The following CCAR1 variants were observed in gnomAD, a reference collection of about 807,000 sequenced individuals.
CCAR1 encodes the protein cell division cycle and apoptosis regulator protein 1.
In CCAR1, 78 loss-of-function variants were observed where a neutral mutation model predicts 163.8. The observed-to-expected ratio is 0.48, with a 90% CI of 0.40 to 0.57. The LOEUF (loss-of-function observed/expected upper bound fraction) is 0.57. CCAR1 is among the 20% of genes least tolerant of loss of function. The pLI is 0.00. For synonymous variants in CCAR1, 443 were observed against 460.7 expected (o/e 0.96, Z 0.49); for missense variants, 1,019 against 1,365.2 (o/e 0.75, Z 4.00).
In CCAR1 at chr10:68,791,502, T is replaced by A. The variant is rs2133445589; in HGVS notation, c.*236T>A. 2 of 285,774 alleles carry A rather than the reference T, an allele frequency of 7.0e-6. No individual in the cohort carries two copies. The highest frequency in any genetic ancestry group is 1.3e-4 in the East Asian group (2 of 15,854). The allele number at this position is 285,774 out of a possible 1,614,324, so 17.7% of individuals were successfully genotyped here. ...AAATAATTTTGCATTGCAAAGTGTT[T>A]TAGGATGAACTTTGTTATAGTTTTA... On this transcript the variant is annotated 3_prime_UTR_variant, in exon 25 of 25. Transcript: ENST00000265872.
intron 19 of CCAR1, among the ~76,000 whole-genome samples, chr10:68,782,492 T>C (rs949875949): frequency 1.4e-4 from 21 of 152,036 alleles, no homozygotes; most frequent in African/African-American, 4.8e-4. Context: ...AAAATGGCTA[T>C]GCTAAGTAAA....
intron 11 of CCAR1, 143 bp from the exon 12 acceptor site, chr10:68,754,571 T>C: frequency 1.8e-6 from 1 of 566,276 alleles, no homozygotes; most frequent in Non-Finnish European, 3.1e-6. Context: ...GGCTGAGGTA[T>C]CTAATACTGT....
chr10:68,790,218 A>G (rs1218254462), intron 24 of CCAR1, among the ~76,000 whole-genome samples: 1 of 152,074 alleles, frequency 6.6e-6, no homozygotes, highest in African/African-American at 2.4e-5. Flanking sequence ...TTAGCCAGAC[A>G]TGGTGGCGGG....
chr10:68,787,443 C>T (rs1449200781), intron 21 of CCAR1, among the ~76,000 whole-genome samples: 1 of 152,132 alleles, frequency 6.6e-6, no homozygotes, highest in African/African-American at 2.4e-5. Flanking sequence ...TAAATCATCC[C>T]TGTGCATAAA....
intron 10 of CCAR1, among the ~76,000 whole-genome samples, chr10:68,752,350 T>C (rs1303250215): frequency 6.6e-6 from 1 of 152,214 alleles, no homozygotes; most frequent in South Asian, 2.1e-4. Context: ...TATACTAATA[T>C]GATTATAAGA....
chr10:68,738,185 C>T (rs1422130397), intron 4 of CCAR1, among the ~76,000 whole-genome samples: 15 of 152,272 alleles, frequency 9.9e-5, no homozygotes, highest in Admixed American at 3.3e-4. Flanking sequence ...GAAGCCGAGG[C>T]GGGCGGATCA....
At chr10:68,773,168 C>A in intron 19 of CCAR1, 69 bp downstream of exon 19, 1 of 778,844 alleles carries the variant, frequency 1.3e-6, no homozygotes, top group Non-Finnish European at 2.1e-6. Context: ...ACATTGTATT[C>A]ACTGAAATCT....
chr10:68,755,205 T>C (rs1237502792), intron 12 of CCAR1, 165 bp from the exon 13 acceptor site: 1 of 771,490 alleles, frequency 1.3e-6, no homozygotes, highest in South Asian at 1.4e-5. Flanking sequence ...ATTCCATTGC[T>C]GAAATGCAGT....
intron 17 of CCAR1, among the ~76,000 whole-genome samples, chr10:68,769,118 A>C (rs2056569628): frequency 6.6e-6 from 1 of 152,254 alleles, no homozygotes; most frequent in South Asian, 2.1e-4. Flanking sequence ...CTGGGATTAC[A>C]GGCGTGTGCC....
intron 16 of CCAR1, among the ~76,000 whole-genome samples, chr10:68,762,286 G>A (rs918692687): frequency 5.3e-5 from 8 of 151,426 alleles, no homozygotes; most frequent in Admixed American, 1.3e-4. Flanking sequence ...CCCAGATTGC[G>A]CCACTGCACT....
In CCAR1 at chr10:68,756,627, A is replaced by G. The variant is rs74143219; in HGVS notation, c.1836+144A>G. 4.2e-4 allele frequency: 313 copies of G among 736,822 alleles called. 1 individual carries two copies. The African/African-American group carries it at 4.7e-3, about 11-fold the overall frequency. The allele number at this position is 736,822 out of a possible 1,614,324, so 45.6% of individuals were successfully genotyped here. ...GACTGGTAATCCAGCTTTCAGCAGT[A>G]TAGTTGTATGTTCTTTTCTCTTAAA... On this transcript the variant is annotated intron_variant, in intron 14 of 24. Coordinates refer to ENST00000265872, the MANE Select transcript of CCAR1 (RefSeq NM_018237.4). The surrounding 1 kb of genome is among the most constrained non-coding windows in gnomAD (Gnocchi z 5.1).
intron 18 of CCAR1, among the ~76,000 whole-genome samples, chr10:68,771,821 CAATA>C (rs1350028533): frequency 1.3e-5 from 2 of 151,972 alleles, no homozygotes; most frequent in African/African-American, 4.8e-5. Context: ...CAAATTAAGC[CAATA>C]TGAGCATCTA....
chr10:68,790,977 C>T (rs1307451041), intron 24 of CCAR1, among the ~76,000 whole-genome samples: 3 of 151,312 alleles, frequency 2.0e-5, no homozygotes, highest in Non-Finnish European at 2.9e-5. Context: ...AGATTACAGT[C>T]ATGAGCCACC....
At position 68,749,240 on chromosome 10, in the gene CCAR1, G is replaced by A. The variant is rs747249188; in HGVS notation, c.931G>A (p.Val311Met). The A allele has an allele frequency of 3.1e-6, 5 of 1,610,264 alleles. No individual in the cohort carries two copies. In the South Asian group the frequency reaches 3.3e-5, roughly 11 times the overall value. Residue 311 changes from valine to methionine, a missense_variant, in exon 9 of 25, where the codon GTG becomes ATG. This residue lies in a region of CCAR1 where 644 missense variants were observed against 904.4 expected (regional missense o/e 0.71). Coordinates refer to ENST00000265872, the MANE Select transcript of CCAR1 (RefSeq NM_018237.4). ...AGGAAGAAATGACAGAGGGGATCAA[G>A]TGCCTAACAGAAAAGATGATCGAAG... ...FSGRNDRGDQ[V>M]PNRKDDRSRE...
chr10:68,724,615 A>G (rs2055914480), intron 2 of CCAR1, among the ~76,000 whole-genome samples: 1 of 151,654 alleles, frequency 6.6e-6, no homozygotes, highest in Admixed American at 6.6e-5. Context: ...AAGTTGAAAA[A>G]CTACATTCAA....
At position 68,743,387 on chromosome 10, in the gene CCAR1, A is replaced by G. The variant is rs571728512; in HGVS notation, c.518+818A>G. Among the ~76,000 whole-genome samples the G allele has an allele frequency of 1.8e-4, 28 of 151,484 alleles. 1 individual carries two copies. Among genetic ancestry groups the G allele is most frequent in the African/African-American group, 6.8e-4 (28 of 41,276 alleles). Reference sequence around the variant, plus strand: ...CACTATATTGGCCAGGCTGGTCTCGAACTCCCGACCTCACGATCCACCTGC... The same window carrying G: ...CACTATATTGGCCAGGCTGGTCTCGGACTCCCGACCTCACGATCCACCTGC... On this transcript the variant is annotated intron_variant, in intron 6 of 24. Transcript: ENST00000265872.
chr10:68,723,841 C>G (rs2055898195), intron 2 of CCAR1, among the ~76,000 whole-genome samples: 1 of 112,916 alleles, frequency 8.9e-6, no homozygotes, highest in South Asian at 3.5e-4. Context: ...GAGCAGGACT[C>G]CATCTCAAAA....
chr10:68,735,750 G>C (rs758111419), intron 2 of CCAR1: 5 of 152,190 alleles, frequency 3.3e-5, no homozygotes, highest in Non-Finnish European at 7.3e-5. Flanking sequence ...TAATCAGAAG[G>C]GGAAGAGTAG....
At chr10:68,772,701 T>G (rs2056617962) in intron 18 of CCAR1, among the ~76,000 whole-genome samples, 1 of 149,688 alleles carries the variant, frequency 6.7e-6, no homozygotes, top group African/African-American at 2.5e-5. Flanking sequence ...GAGGTTGCAG[T>G]GAAGGGAAAT....
Sources: gnomAD v4.1 joint callset for allele counts (sites outside exome capture counted in the v4.1 genomes callset) on GRCh38, gnomAD v4.1.1 for gene constraint, gnomAD v4.1.1 regional missense constraint, Gnocchi (gnomAD v3.1) non-coding constraint, MANE v1.5 for transcripts, NCBI Gene and HGNC (gene_info 2026-07-23, HGNC 2026-07-21) for gene names.